SLC25A48: variants seen among roughly 807,000 people sequenced by gnomAD.
The protein encoded by SLC25A48 is CTC-321K16.1.
In SLC25A48, 29 loss-of-function variants were observed where a neutral mutation model predicts 32.2. The ratio of observed to expected loss-of-function variants is 0.90; its 90% confidence interval spans 0.67 to 1.23. The LOEUF is 1.23. Among genes scored for constraint, SLC25A48 ranks in the 50% most tolerant of loss-of-function variants. SLC25A48 has a pLI of 0.00. For synonymous variants in SLC25A48, 164 were observed against 172.3 expected, an observed-to-expected ratio of 0.95 and a Z score of 0.38; for missense variants, 399 against 422.7, an observed-to-expected ratio of 0.94 and a Z score of 0.49.
chr5:135,776,278 G>GCA (rs1756557925), intron 3 of SLC25A48, among the ~76,000 whole-genome samples: 1 of 145,398 alleles, frequency 6.9e-6, no homozygotes, highest in Non-Finnish European at 1.5e-5. Context: ...GGGGGTGGGG[G>GCA]GCAGAGAGAA....
intron 1 of SLC25A48, among the ~76,000 whole-genome samples, chr5:135,608,460 G>C (rs1467969359): frequency 6.6e-6 from 1 of 152,200 alleles, no homozygotes; most frequent in Non-Finnish European, 1.5e-5. Context: ...CATGAGCAAT[G>C]ACTCTGCAGT....
At chr5:135,622,774 T>C (rs565776959) in intron 1 of SLC25A48, among the ~76,000 whole-genome samples, 1 of 152,348 alleles carries the variant, frequency 6.6e-6, no homozygotes, top group African/African-American at 2.4e-5. Flanking sequence ...AATGATAACA[T>C]GTTAATTAAA....
chr5:135,885,205 G>A (rs1411441918), intron 7 of SLC25A48, among the ~76,000 whole-genome samples: 1 of 152,018 alleles, frequency 6.6e-6, no homozygotes, highest in South Asian at 2.1e-4. Context: ...TGCCCTTCTG[G>A]ACCCACCTCC....
At chr5:135,707,446 A>T (rs948417016) in intron 3 of SLC25A48, among the ~76,000 whole-genome samples, 2 of 152,098 alleles carry the variant, frequency 1.3e-5, no homozygotes, top group Non-Finnish European at 1.5e-5. Context: ...TCCCTGAGTT[A>T]GTTCCTACTC....
At chr5:135,655,513 C>A (rs930686341) in intron 3 of SLC25A48, among the ~76,000 whole-genome samples, 1 of 152,142 alleles carries the variant, frequency 6.6e-6, no homozygotes, top group Non-Finnish European at 1.5e-5. Context: ...TGGATTGTAT[C>A]TTCCAGAGTT....
At chr5:135,602,994 G>C (rs1438761342) in intron 1 of SLC25A48, among the ~76,000 whole-genome samples, 1 of 152,194 alleles carries the variant, frequency 6.6e-6, no homozygotes, top group Non-Finnish European at 1.5e-5. Context: ...TTGCTGTAGA[G>C]ACTGAAACAG....
intron 3 of SLC25A48, among the ~76,000 whole-genome samples, chr5:135,668,332 TA>T (rs1382074591): frequency 6.6e-6 from 1 of 152,206 alleles, no homozygotes; most frequent in Non-Finnish European, 1.5e-5. Context: ...AATGTAACCT[TA>T]TATCCATAAA....
chr5:135,750,165 A>G (rs1231372711), intron 3 of SLC25A48, among the ~76,000 whole-genome samples: 1 of 152,210 alleles, frequency 6.6e-6, no homozygotes, highest in East Asian at 1.9e-4. Context: ...TATCCCTGGA[A>G]AGGGCGTTGA....
At chr5:135,876,742 A>G (rs1762090891) in intron 6 of SLC25A48, among the ~76,000 whole-genome samples, 1 of 152,256 alleles carries the variant, frequency 6.6e-6, no homozygotes, top group African/African-American at 2.4e-5. Context: ...CTGTTTACTT[A>G]TGAACATAAA....
intron 6 of SLC25A48, among the ~76,000 whole-genome samples, chr5:135,878,246 G>C (rs558418967): frequency 1.3e-5 from 2 of 152,264 alleles, no homozygotes; most frequent in African/African-American, 4.8e-5. Flanking sequence ...CGGGGCTGTG[G>C]GACAGAAGGC....
chr5:135,740,453 G>A (rs1483751156), intron 3 of SLC25A48, among the ~76,000 whole-genome samples: 3 of 152,018 alleles, frequency 2.0e-5, no homozygotes, highest in Non-Finnish European at 4.4e-5. Flanking sequence ...CCTTGGGCGG[G>A]GGGTGCATGG....
At chr5:135,830,855 G>A (rs1267418880), upstream of SLC25A48, among the ~76,000 whole-genome samples, 6 of 152,170 alleles carry the variant, frequency 3.9e-5, no homozygotes, top group African/African-American at 1.2e-4. Flanking sequence ...AAAATGTCAC[G>A]GTGGCAGATA....
intron 3 of SLC25A48, among the ~76,000 whole-genome samples, chr5:135,788,295 CCATATGGTCCGTAA>C (rs1376996686): frequency 6.7e-6 from 1 of 149,692 alleles, no homozygotes; most frequent in African/African-American, 2.5e-5. Context: ...CAGCCCCTTG[CCATATGGTCCGTAA>C]TATCCGGGGG....
intron 3 of SLC25A48, among the ~76,000 whole-genome samples, chr5:135,734,855 G>C (rs924892838): frequency 6.6e-6 from 1 of 150,910 alleles, no homozygotes; most frequent in African/African-American, 2.4e-5. Context: ...AGAAGGGGAC[G>C]GACTTAACCT....
chr5:135,825,879 G>A (rs1335671559), intron 4 of SLC25A48: 1 of 152,212 alleles, frequency 6.6e-6, no homozygotes, highest in Non-Finnish European at 1.5e-5. Flanking sequence ...GGGAGCCAGG[G>A]GCCCTCAGGG....
At chr5:135,852,116 G>A (rs2126737484) in intron 3 of SLC25A48, among the ~76,000 whole-genome samples, 1 of 152,314 alleles carries the variant, frequency 6.6e-6, no homozygotes, top group South Asian at 2.1e-4. Flanking sequence ...GGCGGAGGCT[G>A]TTTCTTCCTT....
chr5:135,717,819 C>G (rs1022145264), intron 3 of SLC25A48, among the ~76,000 whole-genome samples: 5 of 152,158 alleles, frequency 3.3e-5, no homozygotes, highest in Non-Finnish European at 4.4e-5. Flanking sequence ...TGAGAGAATA[C>G]AGTTCTGTTC....
intron 4 of SLC25A48, among the ~76,000 whole-genome samples, chr5:135,868,196 C>G (rs1320025481): frequency 1.3e-5 from 2 of 152,112 alleles, no homozygotes; most frequent in Non-Finnish European, 2.9e-5. Flanking sequence ...AGGAGGAGAA[C>G]AGGGGCTTTT....
chr5:135,702,389 G>A (rs542420405), intron 3 of SLC25A48, among the ~76,000 whole-genome samples: 1 of 152,222 alleles, frequency 6.6e-6, no homozygotes, highest in Admixed American at 6.5e-5. Flanking sequence ...CAGAGGCAGG[G>A]ATGGGAGTGA....
Sources: gnomAD v4.1 joint callset for allele counts (sites outside exome capture counted in the v4.1 genomes callset) on GRCh38, gnomAD v4.1.1 for gene constraint, MANE v1.5 for transcripts, NCBI Gene and HGNC (gene_info 2026-07-23, HGNC 2026-07-21) for gene names.